TUT4: variants seen among roughly 807,000 people sequenced by gnomAD.
TUT4 encodes terminal uridylyl transferase 4, also known as terminal uridylyltransferase 4.
TUT4 carries 36 observed loss-of-function variants against 192.2 expected under a neutral mutation model. The ratio of observed to expected loss-of-function variants is 0.19; its 90% CI spans 0.14 to 0.25. TUT4 has a LOEUF of 0.25. Among genes scored for constraint, TUT4 ranks in the 10% least tolerant of loss-of-function variants. TUT4 has a pLI of 1.00. For missense variants in TUT4, 1,493 were observed against 1,957.2 expected (o/e 0.76, Z 4.47); for synonymous variants, 618 against 666.0 (o/e 0.93, Z 1.11).
intron 6 of TUT4, among the ~76,000 whole-genome samples, chr1:52,494,710 T>C (rs1423237083): frequency 1.3e-5 from 2 of 152,112 alleles, no homozygotes; most frequent in South Asian, 2.1e-4. Context: ...ACAACAAAAA[T>C]ATTTAATAAC....
intron 20 of TUT4, among the ~76,000 whole-genome samples, chr1:52,452,624 T>C (rs1297983841): frequency 2.6e-5 from 4 of 152,218 alleles, no homozygotes; most frequent in East Asian, 1.9e-4. Context: ...AGCTTCTTGA[T>C]AGCTGAACAC....
chr1:52,541,647 G>C (rs1686722527), intron 1 of TUT4, among the ~76,000 whole-genome samples: 1 of 151,536 alleles, frequency 6.6e-6, no homozygotes. Context: ...AGAAAACATA[G>C]GAGTAAATCT....
intron 8 of TUT4, 95 bp from the exon 9 acceptor site, chr1:52,489,130 T>G (rs995684916): frequency 7.7e-7 from 1 of 1,301,556 alleles, no homozygotes; most frequent in Non-Finnish European, 1.0e-6. Flanking sequence ...GTTATCATAT[T>G]GTAACATAGT....
chr1:52,512,565 CATCAA>C (rs1259255386), intron 3 of TUT4, among the ~76,000 whole-genome samples: 1 of 152,214 alleles, frequency 6.6e-6, no homozygotes, highest in Non-Finnish European at 1.5e-5. Flanking sequence ...TTGGGCACAA[CATCAA>C]ATCAGACAAA....
At chr1:52,448,588 CAAAAAAAA>C (rs1190767355) in intron 20 of TUT4, among the ~76,000 whole-genome samples, 1 of 40,812 alleles carries the variant, frequency 2.5e-5, no homozygotes, top group African/African-American at 8.9e-5. Context: ...GATTCTGTCT[CAAAAAAAA>C]AAAAAAAAAA....
At chr1:52,488,799 ACAT>A in intron 9 of TUT4, 107 bp downstream of exon 9, 15 of 1,172,248 alleles carry the variant, frequency 1.3e-5, no homozygotes, top group Non-Finnish European at 1.7e-5. Context: ...ACTTTCTCCC[ACAT>A]GTTATGATTG....
At chr1:52,515,829 C>G (rs767415467) in intron 3 of TUT4, 62 bp downstream of exon 3, 1 of 1,596,228 alleles carries the variant, frequency 6.3e-7, no homozygotes, top group East Asian at 2.2e-5. Context: ...AAAAGCTGTA[C>G]TTGGGGAAAA....
intron 15 of TUT4, 78 bp from the exon 16 acceptor site, chr1:52,465,251 A>G: frequency 1.1e-6 from 1 of 888,482 alleles, no homozygotes; most frequent in East Asian, 2.7e-5. Flanking sequence ...TGATGACCTA[A>G]TACAACATGC....
intron 13 of TUT4, 35 bp from the exon 14 acceptor site, chr1:52,472,137 A>C: frequency 6.3e-7 from 1 of 1,595,034 alleles, no homozygotes; most frequent in South Asian, 1.1e-5. Flanking sequence ...AATCTAATAA[A>C]CTTTTGAGGG....
At chr1:52,527,446 T>C (rs1682106576) in intron 1 of TUT4, among the ~76,000 whole-genome samples, 1 of 151,886 alleles carries the variant, frequency 6.6e-6, no homozygotes, top group Non-Finnish European at 1.5e-5. Context: ...CTCGGGAGGC[T>C]GAGGCAGGAG....
At chr1:52,521,685 G>A (rs2149420293) in intron 2 of TUT4, among the ~76,000 whole-genome samples, 1 of 151,440 alleles carries the variant, frequency 6.6e-6, no homozygotes, top group Non-Finnish European at 1.5e-5. Flanking sequence ...AAAAAAGACA[G>A]CTGGACACAG....
At chr1:52,463,111 G>T (rs1663079430) in intron 16 of TUT4, 1 of 983,058 alleles carries the variant, frequency 1.0e-6, no homozygotes, top group Non-Finnish European at 1.2e-6. Flanking sequence ...TCATCTGAAA[G>T]AAAATGATTT....
chr1:52,455,814 G>A (rs528068595), intron 20 of TUT4, among the ~76,000 whole-genome samples: 1 of 152,094 alleles, frequency 6.6e-6, no homozygotes, highest in African/African-American at 2.4e-5. Flanking sequence ...GGTGGATGTG[G>A]AGCAACAGGA....
chr1:52,461,408 C>T (rs1662519294), intron 18 of TUT4, 105 bp downstream of exon 18: 5 of 1,250,830 alleles, frequency 4.0e-6, no homozygotes, highest in Non-Finnish European at 5.5e-6. Context: ...TAGTAAAATA[C>T]TTTTTCCTTA....
chr1:52,455,146 T>C (rs1660506364), intron 20 of TUT4, among the ~76,000 whole-genome samples: 1 of 151,988 alleles, frequency 6.6e-6, no homozygotes, highest in South Asian at 2.1e-4. Context: ...TAGCCAGACA[T>C]GGTGGCTCAT....
intron 20 of TUT4, among the ~76,000 whole-genome samples, chr1:52,450,997 GGCACAC>G (rs1659218841): frequency 1.3e-5 from 2 of 152,188 alleles, no homozygotes; most frequent in African/African-American, 4.8e-5. Context: ...TGGGCGCGGT[GGCACAC>G]GCCTGTAATC....
chr1:52,478,564 G>C (rs950266178), intron 11 of TUT4, among the ~76,000 whole-genome samples: 4 of 152,128 alleles, frequency 2.6e-5, no homozygotes, highest in Non-Finnish European at 5.9e-5. Flanking sequence ...AAGACCACCT[G>C]GCCACTGGGT....
chr1:52,541,887 T>C (rs1686794692), intron 1 of TUT4, among the ~76,000 whole-genome samples: 1 of 152,208 alleles, frequency 6.6e-6, no homozygotes, highest in Non-Finnish European at 1.5e-5. Context: ...AAACAGGTAT[T>C]TGAACATCAA....
At chr1:52,518,305 C>T (rs1679247576) in intron 2 of TUT4, among the ~76,000 whole-genome samples, 1 of 152,186 alleles carries the variant, frequency 6.6e-6, no homozygotes, top group South Asian at 2.1e-4. Context: ...GACTGGGTGG[C>T]TTAAACAACA....
Sources: allele counts gnomAD v4.1 joint callset (sites outside exome capture counted in the v4.1 genomes callset), GRCh38; gene constraint gnomAD v4.1.1; transcripts MANE v1.5; gene names NCBI Gene and HGNC (gene_info 2026-07-23, HGNC 2026-07-21).